Variants in PALS1 observed in about 807,000 individuals in gnomAD.
The protein encoded by PALS1 is protein associated with LIN7 1, MAGUK p55 family member, also known as protein PALS1.
A neutral mutation model predicts 78.9 loss-of-function variants in PALS1; 31 were observed. The ratio of observed to expected loss-of-function variants is 0.39; its 90% confidence interval spans 0.30 to 0.53. PALS1 has a LOEUF of 0.53. Ranked by LOEUF, PALS1 falls within the 20% of genes least tolerant of loss-of-function variation. PALS1 has a pLI of 0.67. For missense variants in PALS1, 704 were observed against 826.5 expected (o/e 0.85, Z 1.82); for synonymous variants, 276 against 270.9 (o/e 1.02, Z -0.18).
chr14:67,286,443 A>G (rs2084688981), intron 3 of PALS1, among the ~76,000 whole-genome samples: 1 of 152,208 alleles, frequency 6.6e-6, no homozygotes, highest in Admixed American at 6.5e-5. Context: ...TTACATCTGA[A>G]TGGATTTTTT....
At chr14:67,297,431 GT>G (rs60033439) in intron 4 of PALS1, among the ~76,000 whole-genome samples, 24,380 of 151,928 alleles carry the variant, frequency 0.16, 3,305 homozygotes, top group East Asian at 0.41. Flanking sequence ...AATTTTACTA[GT>G]TTTTTTTGTG....
intron 12 of PALS1, 31 bp downstream of exon 12, chr14:67,320,428 G>A: frequency 6.5e-6 from 10 of 1,543,438 alleles, no homozygotes; most frequent in Non-Finnish European, 8.7e-6. Flanking sequence ...ATTTTCCTGT[G>A]CTTTTCAATT....
chr14:67,330,154 A>T (rs12589383), intron 14 of PALS1, among the ~76,000 whole-genome samples: 4,105 of 105,658 alleles, frequency 0.039, 98 homozygotes, highest in African/African-American at 0.11. Context: ...TAATAATAAT[A>T]ATTATTATTA....
chr14:67,301,169 C>T (rs1228649834), intron 4 of PALS1, among the ~76,000 whole-genome samples: 4 of 151,502 alleles, frequency 2.6e-5, no homozygotes, highest in South Asian at 2.1e-4. Flanking sequence ...TGTCTATAGG[C>T]GTAAGTACCA....
intron 2 of PALS1, among the ~76,000 whole-genome samples, chr14:67,275,970 C>T (rs1466881687): frequency 6.6e-6 from 1 of 152,020 alleles, no homozygotes; most frequent in African/African-American, 2.4e-5. Flanking sequence ...GGTGATACCC[C>T]CTTTATCATT....
intron 3 of PALS1, among the ~76,000 whole-genome samples, chr14:67,287,151 C>T (rs577451658): frequency 2.6e-5 from 4 of 152,048 alleles, no homozygotes; most frequent in Non-Finnish European, 5.9e-5. Flanking sequence ...CCTGGGAGCT[C>T]AGGACTGCAG....
chr14:67,302,064 T>G lies in PALS1; in HGVS notation c.747T>G (p.Tyr249Ter). ...DERVYESIGQ[Y>*]GGETVKIVRI... ...GAGTTTATGAAAGTATTGGCCAGTATGGAGGAGAAACTGTAAAAATAGTTC... is the reference window on the plus strand; with the variant it reads ...GAGTTTATGAAAGTATTGGCCAGTAGGGAGGAGAAACTGTAAAAATAGTTC... Residue 249 changes from tyrosine (Y) to a stop codon, truncating the protein, a stop_gained, in exon 6 of 15, where the codon TAT becomes TAG. Coordinates refer to ENST00000261681, the MANE Select transcript of PALS1 (RefSeq NM_022474.4). LOFTEE classifies it high-confidence loss of function. 2 of 1,609,422 alleles carry G rather than the reference T, an allele frequency of 1.2e-6. No homozygotes were observed. The highest frequency in any genetic ancestry group is 1.7e-6 in the Non-Finnish European group (2 of 1,177,826).
At chr14:67,302,601 A>G in intron 7 of PALS1, 30 bp downstream of exon 7, 1 of 1,417,770 alleles carries the variant, frequency 7.1e-7, no homozygotes, top group Non-Finnish European at 9.3e-7. Context: ...AGAATAATTG[A>G]TAGCTTTTAG....
chr14:67,259,809 G>T (rs562478491), intron 1 of PALS1, among the ~76,000 whole-genome samples: 1 of 151,712 alleles, frequency 6.6e-6, no homozygotes, highest in African/African-American at 2.4e-5. Flanking sequence ...CTACTTGGGA[G>T]GCTGAAGCAG....
intron 4 of PALS1, among the ~76,000 whole-genome samples, chr14:67,298,908 T>C (rs2084895575): frequency 6.6e-6 from 1 of 152,226 alleles, no homozygotes; most frequent in Non-Finnish European, 1.5e-5. Context: ...GGACATTTCA[T>C]ATAAATGTAA....
chr14:67,266,918 T>TGG (rs1354746889), intron 1 of PALS1, among the ~76,000 whole-genome samples: 5 of 151,942 alleles, frequency 3.3e-5, no homozygotes, highest in Middle Eastern at 3.2e-3. Flanking sequence ...GACACCAGCC[T>TGG]GGGCAACACA....
intron 1 of PALS1, among the ~76,000 whole-genome samples, chr14:67,250,817 C>T (rs913429564): frequency 1.3e-5 from 2 of 152,146 alleles, no homozygotes; most frequent in African/African-American, 4.8e-5. Flanking sequence ...GTTTTTTATA[C>T]CTTATCCTTT....
At chr14:67,251,629 T>C (rs147373066) in intron 1 of PALS1, among the ~76,000 whole-genome samples, 26 of 152,346 alleles carry the variant, frequency 1.7e-4, no homozygotes, top group African/African-American at 6.3e-4. Context: ...TTGTATCTTT[T>C]TGTCTTAGTA....
chr14:67,279,421 C>T lies in PALS1; in HGVS notation c.251C>T (p.Ser84Phe). 6.2e-7 allele frequency: 1 copy of T among 1,613,904 alleles called. No individual in the cohort carries two copies. The highest frequency in any genetic ancestry group is 8.5e-7 in the Non-Finnish European group (1 of 1,179,918). Reference protein sequence around the residue: ...GKKQELDLNSSMRLKKLAQIP... With the variant: ...GKKQELDLNSFMRLKKLAQIP... ...AAGCAAGAACTTGACCTTAATTCTT[C>T]CATGAGACTTAAGAAACTAGCCCAA... is the stretch of plus-strand genomic sequence containing the variant. Residue 84 changes from serine (S) to phenylalanine (F), a missense_variant, in exon 3 of 15, where the codon TCC becomes TTC. Ser to Phe is a radical substitution (Grantham distance 155). Transcript: ENST00000261681.
intron 1 of PALS1, among the ~76,000 whole-genome samples, chr14:67,257,288 G>A (rs1041940031): frequency 6.6e-6 from 1 of 152,234 alleles, no homozygotes; most frequent in Non-Finnish European, 1.5e-5. Flanking sequence ...GAACCTCAGA[G>A]GGGTGACTGA....
intron 14 of PALS1, among the ~76,000 whole-genome samples, chr14:67,331,395 AAAAC>A (rs926875439): frequency 2.5e-4 from 38 of 152,128 alleles, no homozygotes; most frequent in African/African-American, 9.2e-4. Context: ...GTGCTGAAGT[AAAAC>A]AGATTTTCAA....
intron 3 of PALS1, among the ~76,000 whole-genome samples, chr14:67,285,344 CAGATGG>C (rs1052710595): frequency 5.9e-5 from 9 of 151,480 alleles, no homozygotes; most frequent in African/African-American, 2.2e-4. Context: ...GATGCCAATC[CAGATGG>C]AGATTCCTTA....
intron 10 of PALS1, 38 bp from the exon 11 acceptor site, chr14:67,317,370 G>A: frequency 1.3e-6 from 2 of 1,508,692 alleles, no homozygotes; most frequent in Non-Finnish European, 1.8e-6. Flanking sequence ...TTTGTTCACG[G>A]GAACACATTT....
rs114190205 is a variant in PALS1 at position 67,263,445 on chromosome 14, T to C, written c.-236-6256T>C. Among the ~76,000 whole-genome samples, 930 of 152,338 alleles carry C rather than the reference T, an allele frequency of 6.1e-3. 11 individuals carry two copies. Among genetic ancestry groups the C allele is most frequent in the African/African-American group, 0.021 (880 of 41,580 alleles). ...GAATATGCAAATGTACTTCATAGAA[T>C]TTCATTGTTTAAAAGAGAATCTCTA... On this transcript the variant is annotated intron_variant, in intron 1 of 14. Transcript: ENST00000261681.
Sources: gnomAD v4.1 joint callset for allele counts (sites outside exome capture counted in the v4.1 genomes callset) on GRCh38, gnomAD v4.1.1 for gene constraint, MANE v1.5 for transcripts, NCBI Gene and HGNC (gene_info 2026-07-23, HGNC 2026-07-21) for gene names.